Variants in FHIT observed in about 807,000 individuals in gnomAD.
The protein encoded by FHIT is fragile histidine triad diadenosine triphosphatase.
A neutral mutation model predicts 17.9 loss-of-function variants in FHIT; 19 were observed. That is an observed-to-expected ratio of 1.06 (90% confidence interval 0.74 to 1.56). The LOEUF (loss-of-function observed/expected upper bound fraction) is 1.56. Among genes scored for constraint, FHIT ranks in the 40% most tolerant of loss-of-function variants. The pLI, the probability that FHIT is intolerant of heterozygous loss-of-function variation, is 0.00. For missense variants in FHIT, 248 were observed against 189.2 expected (o/e 1.31, Z -1.82); for synonymous variants, 81 against 69.7 (o/e 1.16, Z -0.81).
intron 1 of FHIT, among the ~76,000 whole-genome samples, chr3:61,236,594 A>C (rs2040237104): frequency 6.6e-6 from 1 of 152,180 alleles, no homozygotes; most frequent in South Asian, 2.1e-4. Context: ...GAATGATCAG[A>C]TCCAAGCCCT....
intron 4 of FHIT, among the ~76,000 whole-genome samples, chr3:60,658,291 A>G (rs191102600): frequency 6.6e-6 from 1 of 152,244 alleles, no homozygotes; most frequent in East Asian, 1.9e-4. Context: ...AGGCCAACTG[A>G]TAAGGAGGGA....
chr3:60,700,511 G>A (rs1289250270), intron 4 of FHIT, among the ~76,000 whole-genome samples: 1 of 151,832 alleles, frequency 6.6e-6, no homozygotes, highest in Non-Finnish European at 1.5e-5. Context: ...CACTATTCAT[G>A]TGCTGTTTTT....
chr3:59,925,884 T>C (rs993631231), intron 7 of FHIT, among the ~76,000 whole-genome samples: 3 of 152,230 alleles, frequency 2.0e-5, no homozygotes, highest in Non-Finnish European at 4.4e-5. Context: ...ACCATCACTA[T>C]GGACTTCTAA....
intron 5 of FHIT, among the ~76,000 whole-genome samples, chr3:60,216,135 T>C (rs896871720): frequency 2.0e-5 from 3 of 152,312 alleles, no homozygotes; most frequent in East Asian, 1.9e-4. Context: ...CCAAAAGCTT[T>C]GACCATGAAA....
intron 5 of FHIT, among the ~76,000 whole-genome samples, chr3:60,419,133 T>C (rs545544986): frequency 2.6e-5 from 4 of 152,330 alleles, no homozygotes; most frequent in African/African-American, 7.2e-5. Context: ...CCTCAAATCA[T>C]ATCTACCACT....
intron 1 of FHIT, among the ~76,000 whole-genome samples, chr3:61,232,333 G>A (rs1401480067): frequency 6.6e-6 from 1 of 152,224 alleles, no homozygotes; most frequent in Non-Finnish European, 1.5e-5. Flanking sequence ...GTTGCAGTGA[G>A]CTGAGATCTT....
intron 5 of FHIT, among the ~76,000 whole-genome samples, chr3:60,015,324 T>A (rs890691018): frequency 5.3e-5 from 8 of 152,186 alleles, no homozygotes; most frequent in African/African-American, 1.9e-4. Context: ...TGATTAATTT[T>A]GCTCATAATC....
intron 3 of FHIT, among the ~76,000 whole-genome samples, chr3:60,827,051 C>G (rs1702150787): frequency 6.6e-6 from 1 of 152,018 alleles, no homozygotes; most frequent in Non-Finnish European, 1.5e-5. Flanking sequence ...TAGGATAATT[C>G]ATTTTTGCTG....
intron 3 of FHIT, among the ~76,000 whole-genome samples, chr3:60,867,624 A>G (rs1704223045): frequency 6.6e-6 from 1 of 152,208 alleles, no homozygotes; most frequent in South Asian, 2.1e-4. Context: ...ATGAGTGGGC[A>G]GGATCATGTG....
chr3:60,511,302 T>C (rs1206745575), intron 5 of FHIT, among the ~76,000 whole-genome samples: 1 of 152,192 alleles, frequency 6.6e-6, no homozygotes, highest in Non-Finnish European at 1.5e-5. Context: ...ATTATGCCAA[T>C]TCCATCAGTA....
chr3:61,137,729 A>C (rs12715565), intron 2 of FHIT, among the ~76,000 whole-genome samples: 25,502 of 152,134 alleles, frequency 0.17, 2,406 homozygotes, highest in East Asian at 0.27. Context: ...ACATAGAGAT[A>C]CTTCTCAGAG....
intron 5 of FHIT, among the ~76,000 whole-genome samples, chr3:60,266,258 C>A (rs1285137866): frequency 6.6e-6 from 1 of 152,036 alleles, no homozygotes; most frequent in Admixed American, 6.6e-5. Flanking sequence ...GCATGATGAA[C>A]CATGAAAACA....
At chr3:59,751,826 T>C (rs1575598600) in intron 9 of FHIT, 1 of 241,406 alleles carries the variant, frequency 4.1e-6, no homozygotes, top group East Asian at 6.0e-5. Context: ...TTACAGGGCT[T>C]TGCAGACAGA....
chr3:60,654,369 C>T (rs1577032038), intron 4 of FHIT, among the ~76,000 whole-genome samples: 1 of 151,884 alleles, frequency 6.6e-6, no homozygotes, highest in African/African-American at 2.4e-5. Context: ...TGACTCCAAC[C>T]CTGGAGAGCA....
At chr3:59,976,850 C>A (rs1361754810) in intron 7 of FHIT, among the ~76,000 whole-genome samples, 1 of 152,024 alleles carries the variant, frequency 6.6e-6, no homozygotes. Context: ...ACATCCTGAC[C>A]CTCAGAGGTC....
At chr3:60,095,164 G>A (rs565225891) in intron 5 of FHIT, among the ~76,000 whole-genome samples, 7 of 152,274 alleles carry the variant, frequency 4.6e-5, no homozygotes, top group South Asian at 4.2e-4. Context: ...AGCAGGGCGT[G>A]TTGATAGCCA....
chr3:59,863,501 C>A (rs976563536), intron 8 of FHIT, among the ~76,000 whole-genome samples: 7 of 152,170 alleles, frequency 4.6e-5, no homozygotes, highest in African/African-American at 1.4e-4. Flanking sequence ...TCCATCACAT[C>A]TGTAATTATT....
chr3:60,089,087 C>T (rs115673062), intron 5 of FHIT, among the ~76,000 whole-genome samples: 28 of 152,284 alleles, frequency 1.8e-4, no homozygotes, highest in African/African-American at 6.0e-4. Context: ...GAGACATAGT[C>T]TCTTGTTTGG....
intron 5 of FHIT, among the ~76,000 whole-genome samples, chr3:60,533,265 A>G (rs17063477): frequency 0.14 from 21,918 of 152,182 alleles, 1,757 homozygotes; most frequent in East Asian, 0.22. Flanking sequence ...GGGATGGGAA[A>G]CGGGAAAAGG....
Sources: gnomAD v4.1 joint callset for allele counts (sites outside exome capture counted in the v4.1 genomes callset) on GRCh38, gnomAD v4.1.1 for gene constraint, MANE v1.5 for transcripts, NCBI Gene and HGNC (gene_info 2026-07-23, HGNC 2026-07-21) for gene names.